Variants in TUSC3 observed in about 807,000 individuals in gnomAD.
TUSC3 encodes dolichyl-diphosphooligosaccharide--protein glycosyltransferase subunit TUSC3.
A neutral mutation model predicts 44.8 loss-of-function variants in TUSC3; 45 were observed. The ratio of observed to expected loss-of-function variants is 1.00; its 90% CI spans 0.79 to 1.29. The LOEUF (loss-of-function observed/expected upper bound fraction) is 1.29. Among genes scored for constraint, TUSC3 ranks in the 50% most tolerant of loss-of-function variants. The pLI is 0.00. For missense variants in TUSC3, 519 were observed against 437.9 expected, an observed-to-expected ratio of 1.19 and a Z score of -1.65; for synonymous variants, 212 against 152.9, an observed-to-expected ratio of 1.39 and a Z score of -2.85.
chr8:15,548,941 A>G (rs1801963299), intron 1 of TUSC3, among the ~76,000 whole-genome samples: 1 of 151,784 alleles, frequency 6.6e-6, no homozygotes, highest in African/African-American at 2.4e-5. Context: ...TGTTTGGAAG[A>G]GAATTTTCCA....
chr8:15,777,927 G>C, the TUSC3 span, among the ~76,000 whole-genome samples: 1 of 152,082 alleles, frequency 6.6e-6, no homozygotes, highest in East Asian at 1.9e-4. Context: ...AGATGGACCA[G>C]ATTTGAAATG....
At chr8:15,422,612 T>C (rs753933755) in intron 1 of TUSC3, among the ~76,000 whole-genome samples, 15 of 152,136 alleles carry the variant, frequency 9.9e-5, no homozygotes, top group African/African-American at 3.1e-4. Context: ...TAAAAAAGTA[T>C]AGTAATGCAT....
At chr8:15,644,244 G>C (rs1014763796) in intron 2 of TUSC3, among the ~76,000 whole-genome samples, 1 of 152,314 alleles carries the variant, frequency 6.6e-6, no homozygotes, top group Non-Finnish European at 1.5e-5. Context: ...GTGCCCTGCA[G>C]TTATTGCCTA....
intron 1 of TUSC3, among the ~76,000 whole-genome samples, chr8:15,554,106 C>A (rs1802149474): frequency 6.6e-6 from 1 of 151,404 alleles, no homozygotes; most frequent in African/African-American, 2.4e-5. Flanking sequence ...TCACATGATT[C>A]AAGGGACAAA....
At chr8:15,497,962 T>A (rs1379184787) in intron 2 of TUSC3, among the ~76,000 whole-genome samples, 8 of 152,078 alleles carry the variant, frequency 5.3e-5, no homozygotes, top group African/African-American at 1.9e-4. Flanking sequence ...TTTGCCAGGC[T>A]GGTCTCAAAC....
At chr8:15,742,898 T>C (rs1811254947) in intron 7 of TUSC3, among the ~76,000 whole-genome samples, 1 of 152,232 alleles carries the variant, frequency 6.6e-6, no homozygotes, top group Non-Finnish European at 1.5e-5. Context: ...CAACATAGCA[T>C]GAATATATCC....
the TUSC3 span, among the ~76,000 whole-genome samples, chr8:15,840,630 C>T: frequency 6.6e-6 from 1 of 151,972 alleles, no homozygotes; most frequent in East Asian, 1.9e-4. Context: ...AGTTAAAAAT[C>T]AATAGTTTTA....
rs73191190 is a variant in TUSC3 at position 15,477,259 on chromosome 8, G to A, written n.92-6127G>A. On this transcript the variant is annotated intron_variant and non_coding_transcript_variant, in intron 1 of 5. Transcript: ENST00000503191. ...CATTTAGTTGTCTATGAGGTTAAAT[G>A]GTGTACCTTTATGTCCATTTCTTTT... Among the ~76,000 whole-genome samples, 875 of 152,174 alleles carry A rather than the reference G, an allele frequency of 5.7e-3. 5 individuals carry two copies. Among genetic ancestry groups the A allele is most frequent in the Non-Finnish European group, 7.2e-3 (490 of 68,002 alleles).
At chr8:15,773,959 G>C in the TUSC3 span, among the ~76,000 whole-genome samples, 1 of 152,130 alleles carries the variant, frequency 6.6e-6, no homozygotes, top group Non-Finnish European at 1.5e-5. Context: ...TAGAAACATA[G>C]GTGTGAACTC....
the TUSC3 span, among the ~76,000 whole-genome samples, chr8:15,840,755 G>C: frequency 1.2e-4 from 19 of 152,146 alleles, no homozygotes; most frequent in East Asian, 3.9e-4. Flanking sequence ...TTTATCCTTT[G>C]AAAGAAACAA....
At chr8:15,499,630 C>G (rs1300486348) in intron 2 of TUSC3, among the ~76,000 whole-genome samples, 1 of 152,150 alleles carries the variant, frequency 6.6e-6, no homozygotes, top group Non-Finnish European at 1.5e-5. Context: ...TATGTGTCAA[C>G]TTCACTGGTC....
At chr8:15,617,744 T>C (rs558291462) in intron 1 of TUSC3, among the ~76,000 whole-genome samples, 1 of 152,358 alleles carries the variant, frequency 6.6e-6, no homozygotes, top group African/African-American at 2.4e-5. Flanking sequence ...TTTACGTTAG[T>C]AATGCAGTCA....
intron 1 of TUSC3, among the ~76,000 whole-genome samples, chr8:15,576,640 C>G (rs1374391824): frequency 7.0e-6 from 1 of 143,052 alleles, no homozygotes; most frequent in Non-Finnish European, 1.5e-5. Context: ...AGGACACGAA[C>G]TCATCATTTT....
intron 4 of TUSC3, among the ~76,000 whole-genome samples, chr8:15,660,432 T>G (rs990465969): frequency 4.6e-5 from 7 of 152,056 alleles, no homozygotes; most frequent in Non-Finnish European, 1.0e-4. Flanking sequence ...CAATTTATTA[T>G]GGAAGGAAAT....
At chr8:15,715,070 A>T (rs564058225) in intron 6 of TUSC3, among the ~76,000 whole-genome samples, 1 of 152,144 alleles carries the variant, frequency 6.6e-6, no homozygotes, top group African/African-American at 2.4e-5. Context: ...AAAATGGAAG[A>T]ATCTGTACAC....
chr8:15,481,688 T>G (rs1482424419), intron 1 of TUSC3, among the ~76,000 whole-genome samples: 1 of 152,214 alleles, frequency 6.6e-6, no homozygotes, highest in Non-Finnish European at 1.5e-5. Context: ...TGCAATAGCA[T>G]TATGGCTGAA....
At chr8:15,651,389 C>T (rs1487683743) in intron 3 of TUSC3, among the ~76,000 whole-genome samples, 2 of 152,088 alleles carry the variant, frequency 1.3e-5, no homozygotes, top group Non-Finnish European at 2.9e-5. Flanking sequence ...CAAGTATTTT[C>T]TCTCTGTTTA....
chr8:15,451,491 A>T (rs921194622), intron 1 of TUSC3, among the ~76,000 whole-genome samples: 1 of 152,106 alleles, frequency 6.6e-6, no homozygotes, highest in African/African-American at 2.4e-5. Context: ...AGCCAAAAGG[A>T]TAGGATTGGA....
intron 1 of TUSC3, among the ~76,000 whole-genome samples, chr8:15,431,085 G>T (rs189277975): frequency 6.6e-6 from 1 of 151,676 alleles, no homozygotes; most frequent in Non-Finnish European, 1.5e-5. Context: ...AATTACTGTG[G>T]CTTTGTAATA....
Sources: gnomAD v4.1 joint callset for allele counts (sites outside exome capture counted in the v4.1 genomes callset) on GRCh38, gnomAD v4.1.1 for gene constraint, MANE v1.5 for transcripts, NCBI Gene and HGNC (gene_info 2026-07-23, HGNC 2026-07-21) for gene names.